The following TASOR2 variants were observed in gnomAD, a reference collection of about 807,000 sequenced individuals.
TASOR2 encodes transcription activation suppressor family member 2, also known as protein TASOR 2.
Under a neutral mutation model 199.5 loss-of-function variants are expected in TASOR2, and 84 were observed. The observed-to-expected ratio is 0.42, with a 90% CI of 0.35 to 0.50. The LOEUF is 0.50. TASOR2 is among the 20% of genes least tolerant of loss of function. The pLI, the probability that TASOR2 is intolerant of heterozygous loss-of-function variation, is 0.02. For synonymous variants in TASOR2, 1,103 were observed against 1,046.6 expected, an observed-to-expected ratio of 1.05 and a Z score of -1.04; for missense variants, 2,796 against 2,835.9, an observed-to-expected ratio of 0.99 and a Z score of 0.32.
chr10:5,731,737 C>G (rs1834846296), intron 11 of TASOR2, among the ~76,000 whole-genome samples: 1 of 152,216 alleles, frequency 6.6e-6, no homozygotes, highest in Admixed American at 6.5e-5. Context: ...GCCTACCCAC[C>G]ACCAACATGT....
At chr10:5,760,063 G>A (rs1839568796) in intron 18 of TASOR2, among the ~76,000 whole-genome samples, 1 of 152,256 alleles carries the variant, frequency 6.6e-6, no homozygotes, top group African/African-American at 2.4e-5. Context: ...GATACAGCCT[G>A]AGAAACGTCA....
Position 5,731,221 on chromosome 10 carries a change from A to T in TASOR2, c.1204+18A>T. Reference sequence around the variant, plus strand: ...AAAAAGAGGTAAGCACGATTTATTTATGTGGGTTATTATAATAATAGTTGT... The same window carrying T: ...AAAAAGAGGTAAGCACGATTTATTTTTGTGGGTTATTATAATAATAGTTGT... On this transcript the variant is annotated intron_variant, in intron 11 of 20. Coordinates refer to ENST00000328090, the Ensembl canonical transcript of TASOR2. 6.3e-7 allele frequency: 1 copy of T among 1,590,776 alleles called. No homozygotes were observed. Among genetic ancestry groups the T allele is most frequent in the Non-Finnish European group, 8.5e-7 (1 of 1,174,260 alleles).
chr10:5,709,783 C>T (rs1043371124), intron 1 of TASOR2: 12 of 861,348 alleles, frequency 1.4e-5, no homozygotes, highest in Non-Finnish European at 1.8e-5. Flanking sequence ...ATTATGATTT[C>T]CAGTACCTAT....
At chr10:5,717,377 C>G (rs1832793028) in intron 2 of TASOR2, among the ~76,000 whole-genome samples, 2 of 151,660 alleles carry the variant, frequency 1.3e-5, no homozygotes, top group Non-Finnish European at 1.5e-5. Context: ...GTGACTTATT[C>G]TTACCTGGAA....
In TASOR2 at chr10:5,738,469, C is replaced by G. The variant is rs1293603034; in HGVS notation, c.1448-1149C>G. 2.6e-5 allele frequency among the ~76,000 whole-genome samples: 4 copies of G among 152,134 alleles called. No individual in the cohort carries two copies. In the East Asian group the frequency reaches 7.7e-4, roughly 29 times the overall value. On this transcript the variant is annotated intron_variant, in intron 12 of 20. Transcript: ENST00000328090. The surrounding 1 kb of genome is among the most constrained non-coding windows in gnomAD (Gnocchi z 4.7). ...AAATTAATTTTATGTTTCCAGTATA[C>G]CTGTGGGACTAACAAGACAATTATC...
rs953098741 is a variant in TASOR2, at chr10:5,719,067, A to G, written c.-100+1317A>G. Among the ~76,000 whole-genome samples the G allele has an allele frequency of 2.4e-4, 37 of 152,268 alleles. No individual in the cohort carries two copies. The highest frequency in any genetic ancestry group is 7.7e-4 in the African/African-American group (32 of 41,550). ...TGGTAGAGATGATTGGTTACTGATA[A>G]GTACTATTTACATTTTTTGGCTTGG... On this transcript the variant is annotated intron_variant, in intron 3 of 20. Transcript: ENST00000328090. This position sits in a 1 kb window ranked among gnomAD's most constrained non-coding sequence, Gnocchi z 4.1.
Position 5,756,813 on chromosome 10 carries a change from C to T in TASOR2, c.6732+75C>T, listed in dbSNP as rs891621486. 1.1e-5 allele frequency: 16 copies of T among 1,480,882 alleles called. No individual in the cohort carries two copies. In the Admixed American group the frequency reaches 3.3e-4, roughly 30 times the overall value. The allele number at this position is 1,480,882 out of a possible 1,614,324, so 91.7% of individuals were successfully genotyped here. A position where few individuals can be genotyped will look rare whatever the true frequency, so the allele number is the denominator to read the frequency against. On this transcript the variant is annotated intron_variant, in intron 16 of 20. Coordinates refer to ENST00000328090, the Ensembl canonical transcript of TASOR2. The stretch of plus-strand genomic sequence containing the variant: ...TTCTGTAATGCTCAGACTCATCCCT[C>T]TTTTTTTATGTAGAAGAGAAGCTAA...
In TASOR2 at chr10:5,722,105, T is replaced by C. The variant is rs143287198; in HGVS notation, c.146+1135T>C. Among the ~76,000 whole-genome samples, 3 of 152,332 alleles carry C rather than the reference T, an allele frequency of 2.0e-5. No homozygotes were observed. Among genetic ancestry groups the C allele is most frequent in the African/African-American group, 7.2e-5 (3 of 41,562 alleles). ...GAATAAGATGTAGGTTAAGTCATAG[T>C]ATCGTTATCATTGTGAATGTGTTGA... On this transcript the variant is annotated intron_variant, in intron 6 of 20. Coordinates refer to ENST00000328090, the Ensembl canonical transcript of TASOR2. The surrounding 1 kb of genome is among the most constrained non-coding windows in gnomAD (Gnocchi z 4.0).
chr10:5,702,453 A>G (rs1837987266), intron 1 of TASOR2, among the ~76,000 whole-genome samples: 2 of 151,988 alleles, frequency 1.3e-5, no homozygotes, highest in Admixed American at 1.3e-4. Flanking sequence ...AGTAATGTTG[A>G]CCTTGTAGAA....
intron 1 of TASOR2, among the ~76,000 whole-genome samples, chr10:5,695,781 T>C (rs1025576054): frequency 6.6e-6 from 1 of 152,056 alleles, no homozygotes; most frequent in African/African-American, 2.4e-5. Flanking sequence ...TTTCATGAAT[T>C]AGAGAATGCT....
Position 5,754,761 on chromosome 10 carries a change from C to T in TASOR2, c.6607-1852C>T, listed in dbSNP as rs187768526. ...TACTTGTCAACTGAGAAAGTGGACA[C>T]GGCCGGGCGCGGTGGCTCACGCCTG... On this transcript the variant is annotated intron_variant, in intron 15 of 20. Transcript: ENST00000328090. This position sits in a 1 kb window ranked among gnomAD's most constrained non-coding sequence, Gnocchi z 4.3. 2.6e-5 allele frequency among the ~76,000 whole-genome samples: 4 copies of T among 152,042 alleles called. No homozygotes were observed. Among genetic ancestry groups the T allele is most frequent in the African/African-American group, 7.2e-5 (3 of 41,484 alleles).
intron 1 of TASOR2, chr10:5,709,625 T>A (rs1478146049): frequency 8.1e-7 from 1 of 1,231,030 alleles, no homozygotes; most frequent in Non-Finnish European, 1.0e-6. Flanking sequence ...CTACATTCTC[T>A]CTTAGAGAAG....
At chr10:5,755,991 C>CA (rs111920742) in intron 15 of TASOR2, among the ~76,000 whole-genome samples, 5,078 of 142,774 alleles carry the variant, frequency 0.036, 119 homozygotes, top group Middle Eastern at 0.086. Context: ...GACCATGTCT[C>CA]AAAAAAAAAA....
In TASOR2 at chr10:5,685,302, C is replaced by T. The variant is rs1262742489; in HGVS notation, c.-288+127C>T. On this transcript the variant is annotated intron_variant, in intron 1 of 20. Coordinates refer to ENST00000328090, the Ensembl canonical transcript of TASOR2. The surrounding 1 kb of genome is among the most constrained non-coding windows in gnomAD (Gnocchi z 5.4). ...TCGACGCGTTCTCCTTGCCTTTTGC[C>T]GCGCTCCGGGTGAGGGGGTGGGAGG... 4 of 396,248 alleles carry T rather than the reference C, an allele frequency of 1.0e-5. No individual in the cohort carries two copies. The East Asian group carries it at 1.4e-4, about 14-fold the overall frequency. The allele number at this position is 396,248 out of a possible 1,614,324, so 24.5% of individuals were successfully genotyped here.
intron 1 of TASOR2, among the ~76,000 whole-genome samples, chr10:5,704,668 C>T (rs1838346000): frequency 6.6e-6 from 1 of 151,952 alleles, no homozygotes; most frequent in Non-Finnish European, 1.5e-5. Context: ...GTTCCATTTT[C>T]TGAGTTCTTG....
chr10:5,739,573 T>C lies in TASOR2; in HGVS notation c.1448-45T>C, dbSNP rs755964346. ...TAGTAATATGGCAGAGAGTTAATTC[T>C]ATGACAAGCAAACATCTCTCTTTTT... is the stretch of plus-strand genomic sequence containing the variant. On this transcript the variant is annotated intron_variant, in intron 12 of 20. Coordinates refer to ENST00000328090, the Ensembl canonical transcript of TASOR2. The C allele has an allele frequency of 8.4e-6, 13 of 1,552,982 alleles. No individual in the cohort carries two copies. In the South Asian group the frequency reaches 1.6e-4, roughly 19 times the overall value.
intron 15 of TASOR2, among the ~76,000 whole-genome samples, chr10:5,755,932 C>T (rs981583818): frequency 7.2e-5 from 11 of 151,842 alleles, no homozygotes; most frequent in Non-Finnish European, 1.6e-4. Flanking sequence ...GTCAAAGCTG[C>T]AGTGAGCTAT....
At chr10:5,756,909 T>C (rs1162436795) in intron 16 of TASOR2, among the ~76,000 whole-genome samples, 171 bp downstream of exon 17, 1 of 152,168 alleles carries the variant, frequency 6.6e-6, no homozygotes, top group African/African-American at 2.4e-5. Context: ...ACCAAGTTAT[T>C]TGTAGGGCAG....
At chr10:5,749,960 C>T (rs1466914911) in exon 15 of TASOR2, 6 of 1,613,984 alleles carry the variant, frequency 3.7e-6, no homozygotes, top group Non-Finnish European at 4.2e-6. Flanking sequence ...GTGAAAGAGG[C>T]TTGTAAAAGT....
Sources: allele counts gnomAD v4.1 joint callset (sites outside exome capture counted in the v4.1 genomes callset), GRCh38; gene constraint gnomAD v4.1.1; non-coding constraint Gnocchi (gnomAD v3.1); transcripts MANE v1.5; gene names NCBI Gene and HGNC (gene_info 2026-07-23, HGNC 2026-07-21).